Variants in PPFIBP2 observed in about 807,000 individuals in gnomAD.
PPFIBP2 encodes the protein PPFIB scaffold protein 2, also known as liprin-beta-2.
PPFIBP2 carries 118 observed loss-of-function variants against 118.3 expected under a neutral mutation model. That is an observed-to-expected ratio of 1.00 (90% CI 0.86 to 1.16). The LOEUF is 1.16. Ranked by LOEUF, PPFIBP2 falls within the 50% of genes most tolerant of loss-of-function variation. The probability of loss-of-function intolerance (pLI) is 0.00; values close to 1 mark genes in which losing one functional copy is unlikely to be tolerated. For missense variants in PPFIBP2, 1,195 were observed against 1,073.1 expected, an observed-to-expected ratio of 1.11 and a Z score of -1.59; for synonymous variants, 414 against 397.4, an observed-to-expected ratio of 1.04 and a Z score of -0.50.
intron 15 of PPFIBP2, among the ~76,000 whole-genome samples, chr11:7,640,376 G>A (rs892042971): frequency 1.3e-5 from 2 of 152,184 alleles, no homozygotes; most frequent in African/African-American, 4.8e-5. Context: ...GTGGCCAATG[G>A]GCAAGGGTGT....
chr11:7,572,486 C>T (rs1221535290), intron 3 of PPFIBP2, among the ~76,000 whole-genome samples: 1 of 152,196 alleles, frequency 6.6e-6, no homozygotes, highest in Non-Finnish European at 1.5e-5. Context: ...TTATAAATGA[C>T]CAAGAATGTG....
intron 23 of PPFIBP2, 149 bp from the exon 24 acceptor site, chr11:7,652,875 A>G (rs1371054957): frequency 4.3e-6 from 4 of 932,834 alleles, no homozygotes; most frequent in Non-Finnish European, 6.4e-6. Context: ...ATTGCTTCCA[A>G]GAGCTCTGTT....
downstream of PPFIBP2, chr11:7,655,400 T>C (rs1370089951): frequency 1.6e-6 from 2 of 1,282,648 alleles, no homozygotes; most frequent in East Asian, 5.6e-5. Flanking sequence ...GCTGCATCCA[T>C]GTGTGCTGAC....
At chr11:7,579,972 A>T (rs865801684) in intron 3 of PPFIBP2, among the ~76,000 whole-genome samples, 2 of 152,068 alleles carry the variant, frequency 1.3e-5, no homozygotes, top group Non-Finnish European at 2.9e-5. Flanking sequence ...CAAAAAAAAC[A>T]AATTCCCTTT....
intron 14 of PPFIBP2, 77 bp from the exon 15 acceptor site, chr11:7,639,652 AGTT>A: frequency 1.3e-6 from 2 of 1,575,762 alleles, no homozygotes; most frequent in Non-Finnish European, 1.7e-6. Context: ...CAAAACAGGG[AGTT>A]GTTCTGTATC....
At chr11:7,635,980 C>T (rs2135819778) in intron 14 of PPFIBP2, among the ~76,000 whole-genome samples, 1 of 152,284 alleles carries the variant, frequency 6.6e-6, no homozygotes, top group Non-Finnish European at 1.5e-5. Flanking sequence ...TACACTCAGT[C>T]CCGCTTTGAT....
chr11:7,516,797 C>G (rs1413952272), intron 1 of PPFIBP2, among the ~76,000 whole-genome samples: 1 of 152,128 alleles, frequency 6.6e-6, no homozygotes, highest in African/African-American at 2.4e-5. Context: ...CTTCTGCTGT[C>G]TTGCTGATGC....
intron 14 of PPFIBP2, among the ~76,000 whole-genome samples, chr11:7,637,108 A>G (rs1229967008): frequency 1.3e-5 from 2 of 152,208 alleles, no homozygotes; most frequent in African/African-American, 4.8e-5. Context: ...CAGCTCTGGA[A>G]TTTAAGTCCC....
At chr11:7,540,378 G>A (rs4758197) in intron 1 of PPFIBP2, among the ~76,000 whole-genome samples, 100,032 of 151,920 alleles carry the variant, frequency 0.66, 34,078 homozygotes, top group African/African-American at 0.82. Context: ...AGATTTTACC[G>A]GATCTGGTGC....
intron 21 of PPFIBP2, among the ~76,000 whole-genome samples, chr11:7,650,240 C>A (rs563176991): frequency 6.6e-6 from 1 of 152,192 alleles, no homozygotes; most frequent in Non-Finnish European, 1.5e-5. Context: ...CATCCTATCT[C>A]CTCTGTTCCT....
chr11:7,518,893 G>T lies in PPFIBP2; in HGVS notation c.-37+4772G>T, dbSNP rs575796967. Among the ~76,000 whole-genome samples, 11 of 152,350 alleles carry T rather than the reference G, an allele frequency of 7.2e-5. No individual in the cohort carries two copies. The South Asian group carries it at 2.3e-3, about 32-fold the overall frequency. On this transcript the variant is annotated intron_variant, in intron 1 of 23. Transcript: ENST00000299492. Reference sequence around the variant, plus strand: ...GCGAGTATGGGCGGGAGAGAAGGAAGAAGTCAGAAGTCGTTCCTGCTGAGG... The same window carrying T: ...GCGAGTATGGGCGGGAGAGAAGGAATAAGTCAGAAGTCGTTCCTGCTGAGG...
At chr11:7,656,271 G>A (rs767587487), downstream of PPFIBP2, among the ~76,000 whole-genome samples, 2 of 152,210 alleles carry the variant, frequency 1.3e-5, no homozygotes, top group African/African-American at 2.4e-5. Context: ...ATTGGCTATA[G>A]TGTCTGTCCC....
At chr11:7,656,112 G>A (rs1854660491), downstream of PPFIBP2, among the ~76,000 whole-genome samples, 1 of 152,214 alleles carries the variant, frequency 6.6e-6, no homozygotes, top group African/African-American at 2.4e-5. Flanking sequence ...TTAGTTATCT[G>A]TAAAGCAGGG....
At chr11:7,548,017 T>TA (rs201279463) in intron 1 of PPFIBP2, among the ~76,000 whole-genome samples, 419 of 151,446 alleles carry the variant, frequency 2.8e-3, no homozygotes, top group African/African-American at 9.4e-3. Context: ...TATCCTCACT[T>TA]AAAAAAAAAG....
intron 7 of PPFIBP2, among the ~76,000 whole-genome samples, chr11:7,622,358 C>T (rs1849451793): frequency 6.6e-6 from 1 of 152,302 alleles, no homozygotes; most frequent in Admixed American, 6.5e-5. Context: ...CAGGGCCCAC[C>T]TCCAATATCG....
At chr11:7,611,610 C>G (rs549699824) in intron 6 of PPFIBP2, among the ~76,000 whole-genome samples, 282 of 152,348 alleles carry the variant, frequency 1.9e-3, no homozygotes, top group Non-Finnish European at 3.3e-3. Flanking sequence ...TGGCTTTAAA[C>G]TGAGCTCAGT....
At chr11:7,600,636 G>T (rs11041474) in intron 5 of PPFIBP2, among the ~76,000 whole-genome samples, 14,177 of 152,216 alleles carry the variant, frequency 0.093, 1,114 homozygotes, top group African/African-American at 0.19. Context: ...AGCCTCTGAA[G>T]GAAATCCTTT....
At chr11:7,526,275 T>G (rs747973608) in intron 1 of PPFIBP2, among the ~76,000 whole-genome samples, 1 of 152,108 alleles carries the variant, frequency 6.6e-6, no homozygotes, top group Non-Finnish European at 1.5e-5. Flanking sequence ...CCTGGGGAGC[T>G]GGGAAGAAAA....
intron 6 of PPFIBP2, among the ~76,000 whole-genome samples, chr11:7,615,225 A>T (rs1175810012): frequency 6.6e-6 from 1 of 151,970 alleles, no homozygotes; most frequent in Non-Finnish European, 1.5e-5. Flanking sequence ...TAGTCCAGCT[A>T]CTTGGGAGAC....
Sources: allele counts gnomAD v4.1 joint callset (sites outside exome capture counted in the v4.1 genomes callset), GRCh38; gene constraint gnomAD v4.1.1; transcripts MANE v1.5; gene names NCBI Gene and HGNC (gene_info 2026-07-23, HGNC 2026-07-21).